LBH: variants seen among roughly 807,000 people sequenced by gnomAD.
The protein encoded by LBH is protein LBH.
LBH carries 7 observed loss-of-function variants against 12.5 expected under a neutral mutation model. The observed-to-expected ratio is 0.56, with a 90% CI of 0.32 to 1.05. The LOEUF is 1.05. Among genes scored for constraint, LBH ranks in the 50% least tolerant of loss-of-function variants. The pLI, the probability that LBH is intolerant of heterozygous loss-of-function variation, is 0.04. For missense variants in LBH, 119 were observed against 138.9 expected (o/e 0.86, Z 0.72); for synonymous variants, 51 against 50.1 (o/e 1.02, Z -0.08).
intron 2 of LBH, among the ~76,000 whole-genome samples, chr2:30,255,182 C>T (rs1288784626): frequency 6.6e-6 from 1 of 152,260 alleles, no homozygotes; most frequent in East Asian, 1.9e-4. Flanking sequence ...ATCGGGGTCC[C>T]TCTCACCCAC....
At position 30,257,709 on chromosome 2, in the gene LBH, C is replaced by G; in HGVS notation, c.*88C>G. ...ATCATGACGGAAGAAGAGAGTGAGCCGCAATTGTTCTGAAAATGTCAAACG... is the reference window on the plus strand; with the variant it reads ...ATCATGACGGAAGAAGAGAGTGAGCGGCAATTGTTCTGAAAATGTCAAACG... On this transcript the variant is annotated 3_prime_UTR_variant, in exon 3 of 3. Transcript: ENST00000395323. 1 of 960,756 alleles carries G rather than the reference C, an allele frequency of 1.0e-6. No individual in the cohort carries two copies. The highest frequency in any genetic ancestry group is 1.5e-6 in the Non-Finnish European group (1 of 669,912). The allele number at this position is 960,756 out of a possible 1,614,324, so 59.5% of individuals were successfully genotyped here.
At chr2:30,232,245 GGGCGGGA>G in intron 1 of LBH, 1 of 550,310 alleles carries the variant, frequency 1.8e-6, no homozygotes, top group Non-Finnish European at 3.3e-6. Flanking sequence ...GGGGGGTGGG[GGGCGGGA>G]AACGCTCTCC....
intron 1 of LBH, chr2:30,232,090 G>A: frequency 6.5e-7 from 1 of 1,534,672 alleles, no homozygotes; most frequent in Non-Finnish European, 8.8e-7. Context: ...AGAGCTGCAG[G>A]AGGCGCGCGC....
At chr2:30,248,423 G>A (rs1677914839) in intron 2 of LBH, among the ~76,000 whole-genome samples, 1 of 152,192 alleles carries the variant, frequency 6.6e-6, no homozygotes, top group Non-Finnish European at 1.5e-5. Context: ...TGGGGGTTAG[G>A]AAGGGAACCC....
chr2:30,252,704 T>G (rs1678005796), intron 2 of LBH, among the ~76,000 whole-genome samples: 1 of 151,906 alleles, frequency 6.6e-6, no homozygotes, highest in Non-Finnish European at 1.5e-5. Flanking sequence ...TACCCAGTCT[T>G]GGGGATTTCT....
Position 30,249,661 on chromosome 2 carries a change from G to A in LBH, c.130-7772G>A, listed in dbSNP as rs560883287. The stretch of plus-strand genomic sequence containing the variant: ...TTGCAGCCATTTCTCCTAAGAACTC[G>A]GCCTAGGATTTGTGGGCACAAGCCC... On this transcript the variant is annotated intron_variant, in intron 2 of 2. Transcript: ENST00000395323. Among the ~76,000 whole-genome samples the A allele has an allele frequency of 9.2e-5, 14 of 152,292 alleles. No individual in the cohort carries two copies. In the South Asian group the frequency reaches 2.1e-3, roughly 23 times the overall value.
At chr2:30,252,574 A>C (rs891231128) in intron 2 of LBH, among the ~76,000 whole-genome samples, 3 of 152,164 alleles carry the variant, frequency 2.0e-5, no homozygotes, top group African/African-American at 7.2e-5. Context: ...AGGCAGGAGA[A>C]TGGCGTGAAC....
chr2:30,259,233 G>A lies in LBH; in HGVS notation c.*1612G>A, dbSNP rs906864. The stretch of plus-strand genomic sequence containing the variant: ...AGGTCATTGTGGCTCTGGGGATGCC[G>A]GGGCAGGAGGACGAGGGTGCGCTGT... On this transcript the variant is annotated 3_prime_UTR_variant, in exon 3 of 3. Coordinates refer to ENST00000395323, the MANE Select transcript of LBH (RefSeq NM_030915.4). 27,262 of 152,886 alleles carry A rather than the reference G, an allele frequency of 0.18. 3,158 individuals carry two copies. The highest frequency in any genetic ancestry group is 0.26 in the Admixed American group (3,988 of 15,294). 9.5% of individuals were successfully genotyped at this position (152,886 alleles called of 1,614,324 possible).
rs1322659042 is a variant in LBH at position 30,259,484 on chromosome 2, T to G, written c.*1863T>G. On this transcript the variant is annotated 3_prime_UTR_variant, in exon 3 of 3. Coordinates refer to ENST00000395323, the MANE Select transcript of LBH (RefSeq NM_030915.4). ...TGCAGAGAGTGGTTCATCCATACTC[T>G]CATTCCCTCGCCTCCCCTTGTGGAC... is the stretch of plus-strand genomic sequence containing the variant. 1.3e-5 allele frequency: 2 copies of G among 153,200 alleles called. No individual in the cohort carries two copies. Among genetic ancestry groups the G allele is most frequent in the African/African-American group, 4.8e-5 (2 of 41,446 alleles). The allele number at this position is 153,200 out of a possible 1,614,324, so 9.5% of individuals were successfully genotyped here. A position where few individuals can be genotyped will look rare whatever the true frequency, so the allele number is the denominator to read the frequency against.
intron 2 of LBH, among the ~76,000 whole-genome samples, chr2:30,246,419 T>G (rs1476632031): frequency 1.3e-5 from 2 of 152,244 alleles, no homozygotes; most frequent in Non-Finnish European, 2.9e-5. Flanking sequence ...ATTTACTGTT[T>G]CAGAAATTAG....
At chr2:30,251,630 G>A (rs1677979270) in intron 2 of LBH, among the ~76,000 whole-genome samples, 1 of 140,044 alleles carries the variant, frequency 7.1e-6, no homozygotes, top group Admixed American at 7.5e-5. Context: ...TTGTGCCATT[G>A]CACTCTAGTC....
intron 2 of LBH, among the ~76,000 whole-genome samples, chr2:30,240,573 G>A (rs1368149401): frequency 1.1e-4 from 16 of 152,170 alleles, no homozygotes; most frequent in Non-Finnish European, 4.4e-5. Context: ...GTCCTCAAGC[G>A]CAGCTCAGGA....
rs576193999 is a variant in LBH at position 30,236,340 on chromosome 2, G to A, written c.129+1833G>A. Reference sequence around the variant, plus strand: ...CCAACCTGGGGCTGCAAGGGCAGCAGGAAAATAAAATCACCTCTGGGTGCC... The same window carrying A: ...CCAACCTGGGGCTGCAAGGGCAGCAAGAAAATAAAATCACCTCTGGGTGCC... On this transcript the variant is annotated intron_variant, in intron 2 of 2. Coordinates refer to ENST00000395323, the MANE Select transcript of LBH (RefSeq NM_030915.4). Among the ~76,000 whole-genome samples the A allele has an allele frequency of 2.4e-4, 36 of 152,292 alleles. No homozygotes were observed. In the South Asian group the frequency reaches 3.1e-3, roughly 13 times the overall value.
At chr2:30,233,808 A>G (rs1011851155) in intron 1 of LBH, among the ~76,000 whole-genome samples, 6 of 152,224 alleles carry the variant, frequency 3.9e-5, no homozygotes, top group African/African-American at 1.4e-4. Flanking sequence ...AAGGGGATGG[A>G]TGGCAGATGT....
At chr2:30,235,472 T>C (rs2103555695) in intron 2 of LBH, among the ~76,000 whole-genome samples, 1 of 152,196 alleles carries the variant, frequency 6.6e-6, no homozygotes, top group African/African-American at 2.4e-5. Context: ...GACGCTGCCT[T>C]GCTCACATCT....
Position 30,231,620 on chromosome 2 carries a change from G to T in LBH, c.-119G>T. On this transcript the variant is annotated 5_prime_UTR_variant, in exon 1 of 3. Coordinates refer to ENST00000395323, the MANE Select transcript of LBH (RefSeq NM_030915.4). The stretch of plus-strand genomic sequence containing the variant: ...GCTGTCCTGGGAAGGCGGACGGCGA[G>T]CGCCCGGTGTCCGCACTCGGCCGCC... 2.0e-6 allele frequency: 2 copies of T among 980,478 alleles called. No individual in the cohort carries two copies. 60.7% of individuals were successfully genotyped at this position (980,478 alleles called of 1,614,324 possible).
intron 2 of LBH, among the ~76,000 whole-genome samples, chr2:30,255,268 G>A (rs1572384771): frequency 6.6e-6 from 1 of 151,046 alleles, no homozygotes; most frequent in East Asian, 1.9e-4. Flanking sequence ...CAAGAAATGA[G>A]GACGCACCCA....
intron 1 of LBH, chr2:30,232,420 G>C: frequency 1.6e-6 from 1 of 630,246 alleles, no homozygotes. Context: ...AGCCCGGGCC[G>C]GGCGCGGGGC....
In LBH at chr2:30,259,411, C is replaced by T. The variant is rs1315635665; in HGVS notation, c.*1790C>T. On this transcript the variant is annotated 3_prime_UTR_variant, in exon 3 of 3. Coordinates refer to ENST00000395323, the MANE Select transcript of LBH (RefSeq NM_030915.4). Reference sequence around the variant, plus strand: ...AGTGGGAGAGGCCGGCAGCCTGCACCGAGAGGGGCTTTCCTCTCTCTTGCT... The same window carrying T: ...AGTGGGAGAGGCCGGCAGCCTGCACTGAGAGGGGCTTTCCTCTCTCTTGCT... 6.5e-6 allele frequency: 1 copy of T among 152,802 alleles called. No homozygotes were observed. Among genetic ancestry groups the T allele is most frequent in the Non-Finnish European group, 1.5e-5 (1 of 68,096 alleles). 9.5% of individuals were successfully genotyped at this position (152,802 alleles called of 1,614,324 possible). A position where few individuals can be genotyped will look rare whatever the true frequency, so the allele number is the denominator to read the frequency against.
Sources: gnomAD v4.1 joint callset for allele counts (sites outside exome capture counted in the v4.1 genomes callset) on GRCh38, gnomAD v4.1.1 for gene constraint, MANE v1.5 for transcripts, NCBI Gene and HGNC (gene_info 2026-07-23, HGNC 2026-07-21) for gene names.